RABGAP1L: variants seen among roughly 807,000 people sequenced by gnomAD.
The protein encoded by RABGAP1L is rab GTPase-activating protein 1-like.
Under a neutral mutation model 137.7 loss-of-function variants are expected in RABGAP1L, and 63 were observed. The observed-to-expected ratio is 0.46, with a 90% confidence interval of 0.37 to 0.56. RABGAP1L has a LOEUF of 0.56. RABGAP1L is among the 20% of genes least tolerant of loss of function. RABGAP1L has a pLI of 0.00. For synonymous variants in RABGAP1L, 431 were observed against 433.7 expected, an observed-to-expected ratio of 0.99 and a Z score of 0.08; for missense variants, 1,095 against 1,244.0, an observed-to-expected ratio of 0.88 and a Z score of 1.80.
chr1:174,910,329 G>C (rs1659853430), intron 19 of RABGAP1L, among the ~76,000 whole-genome samples: 2 of 152,108 alleles, frequency 1.3e-5, no homozygotes, highest in African/African-American at 4.8e-5. Flanking sequence ...GTAAAATTCA[G>C]CATCCCTTTA....
At chr1:174,386,570 C>T (rs549485936) in intron 12 of RABGAP1L, among the ~76,000 whole-genome samples, 10 of 151,250 alleles carry the variant, frequency 6.6e-5, no homozygotes, top group African/African-American at 2.2e-4. Context: ...TGCAATGGGG[C>T]GATCTCGGCT....
intron 1 of RABGAP1L, among the ~76,000 whole-genome samples, chr1:174,211,278 A>G (rs756566825): frequency 2.6e-5 from 4 of 152,180 alleles, no homozygotes; most frequent in Non-Finnish European, 4.4e-5. Flanking sequence ...AATAACTGCA[A>G]CAACTTTTCA....
Position 174,616,074 on chromosome 1 carries a change from C to T in RABGAP1L, c.1711-21301C>T, listed in dbSNP as rs141263519. On this transcript the variant is annotated intron_variant, in intron 13 of 25. Coordinates refer to ENST00000681986, the MANE Select transcript of RABGAP1L (RefSeq NM_001366446.1). ...GCCCTGCTTTGGCTCGCACACAGTG[C>T]GCTGCACCCACTGTCCTGTGCCCAC... 9.7e-3 allele frequency among the ~76,000 whole-genome samples: 1,470 copies of T among 152,282 alleles called. 24 individuals are homozygous for T. The highest frequency in any genetic ancestry group is 0.034 in the African/African-American group (1,406 of 41,566).
At chr1:174,449,218 A>G (rs747978618) in intron 13 of RABGAP1L, 1 of 1,529,446 alleles carries the variant, frequency 6.5e-7, no homozygotes, top group Admixed American at 2.2e-5. Flanking sequence ...ATAGTAAATC[A>G]AATGTAATCT....
At chr1:174,939,276 C>T (rs1665423930) in intron 19 of RABGAP1L, among the ~76,000 whole-genome samples, 1 of 152,100 alleles carries the variant, frequency 6.6e-6, no homozygotes, top group Admixed American at 6.5e-5. Context: ...GAATTTTGGG[C>T]CAGGTGTAGT....
At position 174,741,346 on chromosome 1, in the gene RABGAP1L, G is replaced by A. The variant is rs555800451; in HGVS notation, c.2170-10967G>A. 2.6e-5 allele frequency among the ~76,000 whole-genome samples: 4 copies of A among 152,078 alleles called. No homozygotes were observed. In the East Asian group the frequency reaches 5.8e-4, roughly 22 times the overall value. On this transcript the variant is annotated intron_variant, in intron 17 of 25. Coordinates refer to ENST00000681986, the MANE Select transcript of RABGAP1L (RefSeq NM_001366446.1). ...TATTGAAGAGATTGTCCTTTCCCCAGTGTAAGTTTTTGTTGTTTGTTTTTG... is the reference window on the plus strand; with the variant it reads ...TATTGAAGAGATTGTCCTTTCCCCAATGTAAGTTTTTGTTGTTTGTTTTTG...
chr1:174,532,868 A>G (rs769734480), intron 13 of RABGAP1L, among the ~76,000 whole-genome samples: 1 of 152,234 alleles, frequency 6.6e-6, no homozygotes, highest in Non-Finnish European at 1.5e-5. Flanking sequence ...GTTTTGTTGT[A>G]TTTCTAAAAA....
At chr1:174,354,135 C>T (rs1381851693) in intron 11 of RABGAP1L, among the ~76,000 whole-genome samples, 1 of 152,046 alleles carries the variant, frequency 6.6e-6, no homozygotes, top group African/African-American at 2.4e-5. Flanking sequence ...GAGATGGGCT[C>T]TAACATCTAA....
chr1:174,799,979 CTCTCACACAT>C (rs1688602041), intron 18 of RABGAP1L: 2 of 1,022,248 alleles, frequency 2.0e-6, no homozygotes, highest in African/African-American at 1.8e-5. Flanking sequence ...CACACACACA[CTCTCACACAT>C]TCTCACATGC....
chr1:174,354,788 T>C (rs1021967954), intron 11 of RABGAP1L, among the ~76,000 whole-genome samples: 2 of 152,172 alleles, frequency 1.3e-5, no homozygotes, highest in African/African-American at 4.8e-5. Flanking sequence ...GTTTTTATGG[T>C]TTTAGGTCTA....
Position 174,780,112 on chromosome 1 carries a change from A to AATT in RABGAP1L, c.2211+27759_2211+27760insTTA, listed in dbSNP as rs1558070712. On this transcript the variant is annotated intron_variant, in intron 18 of 25. Coordinates refer to ENST00000681986, the MANE Select transcript of RABGAP1L (RefSeq NM_001366446.1). ...TAAATAAATAAATAAATAAATAAAT[A>AATT]AATAAATTAAATAAGCCCTAATTAA... Among the ~76,000 whole-genome samples the AATT allele has an allele frequency of 1.4e-3, 173 of 126,586 alleles. 1 individual carries two copies. Among genetic ancestry groups the AATT allele is most frequent in the African/African-American group, 4.4e-3 (156 of 35,368 alleles). The allele number at this position is 126,586 out of a possible 152,430, so 83.0% of individuals were successfully genotyped here.
chr1:174,528,353 A>C (rs1664098168), intron 13 of RABGAP1L, among the ~76,000 whole-genome samples: 1 of 152,048 alleles, frequency 6.6e-6, no homozygotes, highest in African/African-American at 2.4e-5. Flanking sequence ...GTTTGCTTCC[A>C]GGTTTAGGAC....
intron 17 of RABGAP1L, among the ~76,000 whole-genome samples, chr1:174,747,009 C>T (rs940401951): frequency 3.3e-5 from 5 of 152,152 alleles, no homozygotes; most frequent in African/African-American, 7.2e-5. Flanking sequence ...ACTCCTACTA[C>T]GTACATGTTT....
At chr1:174,772,716 C>T (rs1686222738) in intron 18 of RABGAP1L, among the ~76,000 whole-genome samples, 1 of 151,980 alleles carries the variant, frequency 6.6e-6, no homozygotes, top group African/African-American at 2.4e-5. Context: ...GAAACTCTTG[C>T]ACCTGTTAAA....
chr1:174,970,743 G>C (rs1249210471), intron 21 of RABGAP1L, among the ~76,000 whole-genome samples: 1 of 151,334 alleles, frequency 6.6e-6, no homozygotes, highest in African/African-American at 2.4e-5. Flanking sequence ...AAAAAAAAAA[G>C]ATCTGTTTAA....
At chr1:174,590,238 T>G (rs557257802) in intron 13 of RABGAP1L, among the ~76,000 whole-genome samples, 1 of 149,132 alleles carries the variant, frequency 6.7e-6, no homozygotes, top group African/African-American at 2.4e-5. Context: ...ATACACAAAG[T>G]TAATGCTCTA....
At chr1:174,399,137 A>C (rs1648240418) in intron 13 of RABGAP1L, among the ~76,000 whole-genome samples, 1 of 152,200 alleles carries the variant, frequency 6.6e-6, no homozygotes, top group Non-Finnish European at 1.5e-5. Context: ...TTTGACATAA[A>C]GTACAGTGGT....
At chr1:174,673,247 G>T (rs994761177) in intron 14 of RABGAP1L, among the ~76,000 whole-genome samples, 71 of 152,248 alleles carry the variant, frequency 4.7e-4, no homozygotes, top group African/African-American at 1.7e-3. Context: ...GGAAACTGAT[G>T]ATAATGAAGA....
At chr1:174,926,023 C>G (rs1045127170) in intron 19 of RABGAP1L, among the ~76,000 whole-genome samples, 1 of 151,154 alleles carries the variant, frequency 6.6e-6, no homozygotes, top group Non-Finnish European at 1.5e-5. Context: ...GCCACCATAC[C>G]CTGCCTATTT....
Sources: gnomAD v4.1 joint callset for allele counts (sites outside exome capture counted in the v4.1 genomes callset) on GRCh38, gnomAD v4.1.1 for gene constraint, MANE v1.5 for transcripts, NCBI Gene and HGNC (gene_info 2026-07-23, HGNC 2026-07-21) for gene names.